Variants in GRK1 observed in about 807,000 individuals in gnomAD.
GRK1 encodes the protein rhodopsin kinase GRK1.
Under a neutral mutation model 41.7 loss-of-function variants are expected in GRK1, and 28 were observed. The ratio of observed to expected loss-of-function variants is 0.67; its 90% CI spans 0.50 to 0.92. The LOEUF is 0.92. Among genes scored for constraint, GRK1 ranks in the 40% least tolerant of loss-of-function variants. GRK1 has a pLI of 0.00. For missense variants in GRK1, 703 were observed against 671.2 expected, an observed-to-expected ratio of 1.05 and a Z score of -0.52; for synonymous variants, 327 against 286.7, an observed-to-expected ratio of 1.14 and a Z score of -1.42.
At chr13:113,728,336 A>G (rs1310247111) in intron 4 of GRK1, among the ~76,000 whole-genome samples, 3 of 123,968 alleles carry the variant, frequency 2.4e-5, no homozygotes, top group East Asian at 4.7e-4. Flanking sequence ...AGGAGTACCC[A>G]TGGTGATGAG....
Position 113,735,082 on chromosome 13 carries a change from C to T in GRK1, c.1411C>T (p.Pro471Ser), listed in dbSNP as rs1167118409. 9 of 1,516,984 alleles carry T rather than the reference C, an allele frequency of 5.9e-6. No homozygotes were observed. The highest frequency in any genetic ancestry group is 4.8e-5 in the South Asian group (4 of 83,068). 94.0% of individuals were successfully genotyped at this position (1,516,984 alleles called of 1,614,324 possible). ...RQLEAGMLMP[P>S]FIPDSKTVYA... Reference sequence around the variant, plus strand: ...GTCTCCCACAGGGATGCTGATGCCCCCTTTCATCCCAGACTCCAAAACTGT... The same window carrying T: ...GTCTCCCACAGGGATGCTGATGCCCTCTTTCATCCCAGACTCCAAAACTGT... The change falls in exon 7 of 7, where the codon CCT (proline) becomes TCT (serine). Residue 471 changes from proline to serine, a missense_variant. Coordinates refer to ENST00000335678, the MANE Select transcript of GRK1 (RefSeq NM_002929.3).
chr13:113,723,799 T>C (rs565296513), intron 4 of GRK1, among the ~76,000 whole-genome samples: 2 of 152,082 alleles, frequency 1.3e-5, no homozygotes, highest in Admixed American at 6.5e-5. Context: ...TCTGTGTGCC[T>C]GCATGTGTGC....
At chr13:113,734,086 G>C (rs1388449710) in intron 6 of GRK1, among the ~76,000 whole-genome samples, 1 of 152,226 alleles carries the variant, frequency 6.6e-6, no homozygotes, top group Non-Finnish European at 1.5e-5. Flanking sequence ...ATGTGTGTGT[G>C]TTCATGCACT....
chr13:113,654,593 G>A, the GRK1 span, among the ~76,000 whole-genome samples: 2 of 152,254 alleles, frequency 1.3e-5, no homozygotes, highest in Admixed American at 1.3e-4. Context: ...AAGAAACTAA[G>A]GGGCCGCTTA....
At chr13:113,734,076 A>ATG (rs374765487) in intron 6 of GRK1, among the ~76,000 whole-genome samples, 2 of 151,694 alleles carry the variant, frequency 1.3e-5, no homozygotes, top group African/African-American at 4.8e-5. Context: ...GTGTGCGTGT[A>ATG]TGTGTGTGTG....
chr13:113,651,658 C>T, the GRK1 span: 181 of 1,606,378 alleles, frequency 1.1e-4, no homozygotes, highest in Non-Finnish European at 1.4e-4. Flanking sequence ...GCCCGCCGCG[C>T]GGCCGTACTC....
rs149351178 is a variant in GRK1, at chr13:113,669,305, G to A, written c.700-382G>A. On this transcript the variant is annotated intron_variant, in intron 1 of 6. Coordinates refer to ENST00000335678, the MANE Select transcript of GRK1 (RefSeq NM_002929.3). Reference sequence around the variant, plus strand: ...GCAGAGTGGTGAGGGGGTTTGGGAGGTGCTGGTCTGGGAGCCCAGCCCACG... The same window carrying A: ...GCAGAGTGGTGAGGGGGTTTGGGAGATGCTGGTCTGGGAGCCCAGCCCACG... 1.4e-4 allele frequency among the ~76,000 whole-genome samples: 21 copies of A among 152,358 alleles called. No individual in the cohort carries two copies. The East Asian group carries it at 3.7e-3, about 27-fold the overall frequency.
chr13:113,654,655 G>A, the GRK1 span, among the ~76,000 whole-genome samples: 1 of 152,234 alleles, frequency 6.6e-6, no homozygotes, highest in African/African-American at 2.4e-5. Flanking sequence ...CTGCCCTCGG[G>A]GGCACCTGCT....
intron 4 of GRK1, among the ~76,000 whole-genome samples, chr13:113,727,684 G>A (rs1216830136): frequency 1.5e-5 from 2 of 135,746 alleles, no homozygotes; most frequent in African/African-American, 5.7e-5. Flanking sequence ...GAGTACCCAT[G>A]GCGATGAGGA....
chr13:113,657,269 G>A, the GRK1 span, among the ~76,000 whole-genome samples: 2 of 152,206 alleles, frequency 1.3e-5, no homozygotes, highest in Non-Finnish European at 2.9e-5. Flanking sequence ...AGCCGGGGAC[G>A]GCACCAGGCC....
At chr13:113,734,267 C>T (rs1232191232) in intron 6 of GRK1, among the ~76,000 whole-genome samples, 2 of 152,222 alleles carry the variant, frequency 1.3e-5, no homozygotes, top group Non-Finnish European at 2.9e-5. Context: ...GACTGCCAGA[C>T]AGGTGCCCTG....
At chr13:113,665,401 T>TC (rs2049811343), upstream of GRK1, among the ~76,000 whole-genome samples, 1 of 138,326 alleles carries the variant, frequency 7.2e-6, no homozygotes, top group Non-Finnish European at 1.5e-5. Flanking sequence ...CCCAGCTGTC[T>TC]CAGATGTGCC....
At chr13:113,733,884 T>TGTGTGC (rs1395653917) in intron 6 of GRK1, among the ~76,000 whole-genome samples, 8 of 99,128 alleles carry the variant, frequency 8.1e-5, no homozygotes, top group African/African-American at 2.9e-4. Context: ...TGTGCATACG[T>TGTGTGC]GTGTGCGTGT....
intron 6 of GRK1, among the ~76,000 whole-genome samples, chr13:113,733,845 A>ATG (rs552958092): frequency 0.18 from 16,798 of 93,174 alleles, 2,024 homozygotes; most frequent in African/African-American, 0.29. Flanking sequence ...GTGCGTGTGC[A>ATG]TGTGTATGTG....
rs1266874004 is a variant in GRK1 at position 113,668,028 on chromosome 13, G to T, written c.642G>T (p.Lys214Asn). 2.5e-6 allele frequency: 4 copies of T among 1,611,790 alleles called. No homozygotes were observed. The Admixed American group carries it at 6.7e-5, about 27-fold the overall frequency. ...CCTGCCAGATGAAGGCGACCGGCAA[G>T]CTGTATGCCTGCAAGAAGCTGAACA... is the stretch of plus-strand genomic sequence containing the variant. The part of the protein sequence containing the change: ...VSACQMKATG[K>N]LYACKKLNKK... The change falls in exon 1 of 7, where the codon AAG becomes AAT. Residue 214 changes from lysine to asparagine, a missense_variant. Transcript: ENST00000335678.
Position 113,667,958 on chromosome 13 carries a change from T to A in GRK1, c.572T>A (p.Leu191Gln), listed in dbSNP as rs954331779. The A allele has an allele frequency of 5.6e-6, 9 of 1,610,358 alleles. No homozygotes were observed. The highest frequency in any genetic ancestry group is 1.3e-5 in the African/African-American group (1 of 74,894). ...CAGCCCATGGGGGAGGACTGGTTCCTGGACTTCAGGGTCCTAGGGAAAGGG... is the reference window on the plus strand; with the variant it reads ...CAGCCCATGGGGGAGGACTGGTTCCAGGACTTCAGGGTCCTAGGGAAAGGG... ...EAQPMGEDWFLDFRVLGKGGF... is the reference protein window; with the variant it reads ...EAQPMGEDWFQDFRVLGKGGF... The change falls in exon 1 of 7, where the codon CTG (leucine) becomes CAG (glutamine). Residue 191 changes from leucine to glutamine, a missense_variant. Leu to Gln is a moderately radical substitution (Grantham distance 113, BLOSUM62 -2). Transcript: ENST00000335678. This position sits in a 1 kb window ranked among gnomAD's most constrained non-coding sequence, Gnocchi z 7.5.
At chr13:113,665,928 C>T (rs1486608289), upstream of GRK1, among the ~76,000 whole-genome samples, 3 of 128,330 alleles carry the variant, frequency 2.3e-5, no homozygotes, top group African/African-American at 9.1e-5. Flanking sequence ...TTTCAGGTGT[C>T]TCAGGTGTGC....
At chr13:113,658,713 G>A in the GRK1 span, among the ~76,000 whole-genome samples, 2 of 152,170 alleles carry the variant, frequency 1.3e-5, no homozygotes, top group African/African-American at 4.8e-5. Context: ...AGGGAACACA[G>A]GGGTCCCCGG....
intron 4 of GRK1, 37 bp downstream of exon 4, chr13:113,723,194 T>A (rs545423459): frequency 1.9e-4 from 130 of 692,532 alleles, no homozygotes; most frequent in Admixed American, 5.0e-4. Flanking sequence ...GCTCCGTGCA[T>A]GGGTTACGTC....
Sources: gnomAD v4.1 joint callset for allele counts (sites outside exome capture counted in the v4.1 genomes callset) on GRCh38, gnomAD v4.1.1 for gene constraint, Gnocchi (gnomAD v3.1) non-coding constraint, MANE v1.5 for transcripts, NCBI Gene and HGNC (gene_info 2026-07-23, HGNC 2026-07-21) for gene names.